ABCD3: variants seen among roughly 807,000 people sequenced by gnomAD.
ABCD3 encodes the protein ATP binding cassette subfamily D member 3, also known as ATP-binding cassette sub-family D member 3.
A neutral mutation model predicts 105.5 loss-of-function variants in ABCD3; 41 were observed. The observed-to-expected ratio is 0.39, with a 90% CI of 0.30 to 0.50. The LOEUF is 0.50. ABCD3 is among the 20% of genes least tolerant of loss of function. The probability of loss-of-function intolerance (pLI) is 0.84; values close to 1 mark genes in which losing one functional copy is unlikely to be tolerated. For synonymous variants in ABCD3, 258 were observed against 269.0 expected (o/e 0.96, Z 0.40); for missense variants, 622 against 806.3 (o/e 0.77, Z 2.77).
the ABCD3 span, among the ~76,000 whole-genome samples, chr1:94,407,275 C>T: frequency 1.5e-4 from 23 of 152,104 alleles, no homozygotes; most frequent in Admixed American, 7.2e-4. Flanking sequence ...CTCAGCCTCC[C>T]GAGTAGCTGG....
chr1:94,460,754 GTTCT>G (rs1647829123), intron 2 of ABCD3, among the ~76,000 whole-genome samples: 1 of 151,990 alleles, frequency 6.6e-6, no homozygotes, highest in Non-Finnish European at 1.5e-5. Context: ...CAAGATTGTT[GTTCT>G]TTAGTCTCTG....
intron 8 of ABCD3, among the ~76,000 whole-genome samples, chr1:94,479,282 G>A (rs1425117639): frequency 1.3e-5 from 2 of 151,850 alleles, no homozygotes; most frequent in African/African-American, 2.4e-5. Flanking sequence ...TATTTTTATG[G>A]TACTTAACTA....
intron 21 of ABCD3, 55 bp downstream of exon 21, chr1:94,506,697 TA>T: frequency 7.8e-7 from 1 of 1,279,714 alleles, no homozygotes; most frequent in Admixed American, 1.7e-5. Context: ...TAGTGTAAAC[TA>T]TGTCCAAATC....
chr1:94,390,430 G>A, the ABCD3 span, among the ~76,000 whole-genome samples: 1 of 152,138 alleles, frequency 6.6e-6, no homozygotes, highest in African/African-American at 2.4e-5. Flanking sequence ...AGCCTCTTGA[G>A]TAGCTGGGAT....
At chr1:94,458,413 A>C (rs550828104) in intron 1 of ABCD3, among the ~76,000 whole-genome samples, 194 bp from the exon 2 acceptor site, 2 of 152,376 alleles carry the variant, frequency 1.3e-5, no homozygotes, top group South Asian at 4.1e-4. Flanking sequence ...GTTAAAATTT[A>C]TTAAGCACTT....
chr1:94,453,617 C>T (rs1025496569), intron 1 of ABCD3, among the ~76,000 whole-genome samples: 9 of 151,704 alleles, frequency 5.9e-5, no homozygotes, highest in Admixed American at 3.3e-4. Flanking sequence ...CGCGCCCAGC[C>T]GGAAAATTAT....
At chr1:94,477,379 A>G (rs1648811345) in intron 7 of ABCD3, among the ~76,000 whole-genome samples, 2 of 151,982 alleles carry the variant, frequency 1.3e-5, no homozygotes, top group African/African-American at 4.8e-5. Context: ...TGCAATCACA[A>G]TACTTTGGGA....
chr1:94,478,143 A>G (rs1648852182), intron 7 of ABCD3, 116 bp from the exon 8 acceptor site: 4 of 687,004 alleles, frequency 5.8e-6, no homozygotes, highest in Non-Finnish European at 1.0e-5. Flanking sequence ...TGGGACCTCT[A>G]CATGTTGATA....
chr1:94,417,253 T>C (rs1203986314), upstream of ABCD3, among the ~76,000 whole-genome samples: 1 of 152,214 alleles, frequency 6.6e-6, no homozygotes, highest in Non-Finnish European at 1.5e-5. Flanking sequence ...CATGCCATTA[T>C]TGTACCTCGT....
chr1:94,490,930 G>A (rs1211613878), intron 15 of ABCD3, among the ~76,000 whole-genome samples: 3 of 151,894 alleles, frequency 2.0e-5, no homozygotes, highest in Admixed American at 6.6e-5. Flanking sequence ...AACACTTACC[G>A]TTTGTCTCTT....
chr1:94,440,686 G>A (rs1032964456), intron 1 of ABCD3, among the ~76,000 whole-genome samples: 1 of 152,114 alleles, frequency 6.6e-6, no homozygotes, highest in African/African-American at 2.4e-5. Context: ...TACCTTTCGG[G>A]TTTTGTAGCT....
At chr1:94,431,255 AT>A (rs929332977) in intron 1 of ABCD3, among the ~76,000 whole-genome samples, 1 of 152,140 alleles carries the variant, frequency 6.6e-6, no homozygotes, top group African/African-American at 2.4e-5. Flanking sequence ...ATAAAATCAG[AT>A]TTTTTCCTCT....
intron 21 of ABCD3, among the ~76,000 whole-genome samples, chr1:94,510,832 T>C (rs1431809235): frequency 6.6e-6 from 1 of 152,116 alleles, no homozygotes; most frequent in African/African-American, 2.4e-5. Flanking sequence ...TTTTTTGTTT[T>C]CCATTTGCTT....
intron 1 of ABCD3, chr1:94,418,812 G>T: frequency 1.7e-6 from 1 of 574,476 alleles, no homozygotes; most frequent in East Asian, 3.0e-5. Context: ...CACCCCGGGA[G>T]TGCGAATTCT....
intron 1 of ABCD3, among the ~76,000 whole-genome samples, chr1:94,420,730 C>T (rs1659226751): frequency 1.3e-5 from 2 of 152,050 alleles, no homozygotes; most frequent in Admixed American, 1.3e-4. Context: ...TTAGTCACCA[C>T]CTTTGGTATC....
chr1:94,441,763 AAG>A (rs1477835724), intron 1 of ABCD3, among the ~76,000 whole-genome samples: 2 of 152,200 alleles, frequency 1.3e-5, no homozygotes, highest in South Asian at 2.1e-4. Context: ...TTATGTAAGA[AAG>A]AAGGGAAAAT....
chr1:94,437,494 C>A (rs1047464753), intron 1 of ABCD3, among the ~76,000 whole-genome samples: 1 of 152,284 alleles, frequency 6.6e-6, no homozygotes. Context: ...TATTTTAATA[C>A]CACTGTTGGG....
chr1:94,499,737 A>G (rs774577550), intron 20 of ABCD3, 123 bp downstream of exon 20: 1 of 1,235,882 alleles, frequency 8.1e-7, no homozygotes, highest in Non-Finnish European at 1.2e-6. Flanking sequence ...GATTAGTTTA[A>G]ATTATCATAA....
rs2101006445 is a variant in ABCD3, at chr1:94,480,664, A to G, written c.827+58A>G. The G allele has an allele frequency of 4.4e-6, 7 of 1,586,334 alleles. No homozygotes were observed. In the Admixed American group the frequency reaches 1.2e-4, roughly 27 times the overall value. On this transcript the variant is annotated intron_variant, in intron 9 of 22. Transcript: ENST00000370214. ...ATTAATTTCTATGGATATTGATGTCATTTAAATTGACTCCAAAAAGTCTAG... is the reference window on the plus strand; with the variant it reads ...ATTAATTTCTATGGATATTGATGTCGTTTAAATTGACTCCAAAAAGTCTAG...
Sources: allele counts gnomAD v4.1 joint callset (sites outside exome capture counted in the v4.1 genomes callset), GRCh38; gene constraint gnomAD v4.1.1; transcripts MANE v1.5; gene names NCBI Gene and HGNC (gene_info 2026-07-23, HGNC 2026-07-21).